IPO11: variants seen among roughly 807,000 people sequenced by gnomAD.
The protein encoded by IPO11 is importin-11.
A neutral mutation model predicts 143.2 loss-of-function variants in IPO11; 66 were observed. The ratio of observed to expected loss-of-function variants is 0.46; its 90% CI spans 0.38 to 0.57. IPO11 has a LOEUF of 0.57. IPO11 is among the 20% of genes least tolerant of loss of function. IPO11 has a pLI of 0.00. For synonymous variants in IPO11, 385 were observed against 377.8 expected (o/e 1.02, Z -0.22); for missense variants, 1,026 against 1,141.0 (o/e 0.90, Z 1.45).
At position 62,624,942 on chromosome 5, in the gene IPO11, G is replaced by A. The variant is rs188618678; in HGVS notation, c.2764-2212G>A. Reference sequence around the variant, plus strand: ...GGAGCTTGCAGTGAGCCGAAATCGCGCCAGTGCACTCCAGCCTGAGCGACA... The same window carrying A: ...GGAGCTTGCAGTGAGCCGAAATCGCACCAGTGCACTCCAGCCTGAGCGACA... On this transcript the variant is annotated intron_variant, in intron 29 of 29. Coordinates refer to ENST00000325324, the MANE Select transcript of IPO11 (RefSeq NM_016338.5). 5.4e-3 allele frequency among the ~76,000 whole-genome samples: 756 copies of A among 140,812 alleles called. 7 individuals carry two copies. The highest frequency in any genetic ancestry group is 0.019 in the African/African-American group (709 of 37,622). The allele number at this position is 140,812 out of a possible 152,430, so 92.4% of individuals were successfully genotyped here.
At chr5:62,620,475 T>C (rs1391152260) in intron 29 of IPO11, among the ~76,000 whole-genome samples, 13 of 142,570 alleles carry the variant, frequency 9.1e-5, no homozygotes, top group African/African-American at 3.2e-4. Flanking sequence ...GCCAAGATTG[T>C]GCCACTGCAC....
In IPO11 at chr5:62,467,601, C is replaced by T. The variant is rs1378848511; in HGVS notation, c.649+338C>T. 3.3e-5 allele frequency among the ~76,000 whole-genome samples: 5 copies of T among 152,144 alleles called. No homozygotes were observed. The East Asian group carries it at 9.6e-4, about 29-fold the overall frequency. ...CCTACACTTATCCTTGTCATGCCAA[C>T]TTTCCTAAAATTTTTTCTCCAGGCT... On this transcript the variant is annotated intron_variant, in intron 6 of 29. Coordinates refer to ENST00000325324, the MANE Select transcript of IPO11 (RefSeq NM_016338.5).
rs573160794 is a variant in IPO11 at position 62,460,076 on chromosome 5, T to C, written c.517-7055T>C. 2.0e-5 allele frequency among the ~76,000 whole-genome samples: 3 copies of C among 152,346 alleles called. No homozygotes were observed. The South Asian group carries it at 6.2e-4, about 32-fold the overall frequency. On this transcript the variant is annotated intron_variant, in intron 5 of 29. Coordinates refer to ENST00000325324, the MANE Select transcript of IPO11 (RefSeq NM_016338.5). The stretch of plus-strand genomic sequence containing the variant: ...TTTTAAAGGAATTTAAATATTTTTT[T>C]AACTAAATTCTTCAACATTTATCTG...
At chr5:62,526,771 G>T (rs1742382509) in intron 21 of IPO11, 1 of 152,496 alleles carries the variant, frequency 6.6e-6, no homozygotes, top group African/African-American at 2.4e-5. Context: ...ACTGCCCACG[G>T]TGTGTAAGCA....
At chr5:62,597,050 C>T (rs1045113081) in intron 28 of IPO11, among the ~76,000 whole-genome samples, 5 of 152,144 alleles carry the variant, frequency 3.3e-5, no homozygotes, top group Admixed American at 2.6e-4. Context: ...GGCACTTTGT[C>T]TTTACTGCTA....
At chr5:62,597,985 G>T (rs1288651613) in intron 28 of IPO11, among the ~76,000 whole-genome samples, 1 of 152,060 alleles carries the variant, frequency 6.6e-6, no homozygotes, top group Non-Finnish European at 1.5e-5. Context: ...ATTCCTCATC[G>T]ATAAAAAGTA....
At chr5:62,550,584 T>G (rs910544303) in intron 25 of IPO11, 122 bp downstream of exon 25, 1 of 636,000 alleles carries the variant, frequency 1.6e-6, no homozygotes, top group Non-Finnish European at 2.5e-6. Context: ...TTATGTTAAA[T>G]TTTCAGGGCG....
intron 5 of IPO11, among the ~76,000 whole-genome samples, chr5:62,466,017 T>G (rs1286303833): frequency 6.6e-6 from 1 of 152,218 alleles, no homozygotes; most frequent in Non-Finnish European, 1.5e-5. Context: ...GCAGAAAACC[T>G]TATACCTCTT....
At chr5:62,572,093 T>C (rs32153) in intron 27 of IPO11, among the ~76,000 whole-genome samples, 16,840 of 152,260 alleles carry the variant, frequency 0.11, 1,117 homozygotes, top group African/African-American at 0.18. Flanking sequence ...TCTTAATGTC[T>C]TCTCTGCCAG....
chr5:62,580,827 T>C (rs1441315310), intron 27 of IPO11: 17 of 1,551,294 alleles, frequency 1.1e-5, no homozygotes, highest in Non-Finnish European at 1.5e-5. Flanking sequence ...CTTCACCTGC[T>C]GGTAGATTTT....
At chr5:62,491,843 T>A (rs1056528736) in intron 15 of IPO11, among the ~76,000 whole-genome samples, 1 of 149,606 alleles carries the variant, frequency 6.7e-6, no homozygotes, top group East Asian at 1.9e-4. Context: ...TTTTTTTGTA[T>A]TTTTTTTTAG....
intron 3 of IPO11, among the ~76,000 whole-genome samples, chr5:62,448,834 C>T (rs1412640456): frequency 6.6e-6 from 1 of 152,202 alleles, no homozygotes; most frequent in Non-Finnish European, 1.5e-5. Flanking sequence ...ATTGGGATTA[C>T]AGGCATGAGC....
intron 19 of IPO11, among the ~76,000 whole-genome samples, chr5:62,511,115 T>A (rs951165216): frequency 6.6e-5 from 10 of 152,358 alleles, no homozygotes; most frequent in African/African-American, 2.4e-4. Flanking sequence ...CAGCCAAGAT[T>A]GGAATATAAA....
intron 1 of IPO11, among the ~76,000 whole-genome samples, chr5:62,421,170 A>G (rs866686632): frequency 1.3e-5 from 2 of 152,250 alleles, no homozygotes; most frequent in South Asian, 4.1e-4. Flanking sequence ...CTTCTTTTCT[A>G]TATATTTTCT....
Position 62,487,751 on chromosome 5 carries a change from T to G in IPO11, c.1219-20T>G, listed in dbSNP as rs770274359. 1.3e-6 allele frequency: 2 copies of G among 1,535,498 alleles called. No individual in the cohort carries two copies. Among genetic ancestry groups the G allele is most frequent in the Admixed American group, 2.1e-5 (1 of 48,308 alleles). On this transcript the variant is annotated intron_variant, in intron 12 of 29. Coordinates refer to ENST00000325324, the MANE Select transcript of IPO11 (RefSeq NM_016338.5). ...GTATGCAACTGTTTTGATGAGAAATTTGTATTTTTCCCTCTCCAGCCATGC... is the reference window on the plus strand; with the variant it reads ...GTATGCAACTGTTTTGATGAGAAATGTGTATTTTTCCCTCTCCAGCCATGC...
chr5:62,513,181 G>C (rs1741830881), intron 19 of IPO11, among the ~76,000 whole-genome samples: 1 of 151,166 alleles, frequency 6.6e-6, no homozygotes, highest in Non-Finnish European at 1.5e-5. Flanking sequence ...GCGCCCCTCA[G>C]CTCCCGGACC....
intron 1 of IPO11, among the ~76,000 whole-genome samples, chr5:62,433,444 C>T (rs538982540): frequency 2.0e-3 from 301 of 152,162 alleles, no homozygotes; most frequent in African/African-American, 6.9e-3. Flanking sequence ...ATACTCTGGG[C>T]GCCAACTGGT....
chr5:62,585,144 C>A (rs1479738428), intron 27 of IPO11, among the ~76,000 whole-genome samples: 1 of 152,046 alleles, frequency 6.6e-6, no homozygotes, highest in Non-Finnish European at 1.5e-5. Context: ...CTTTGGGCAA[C>A]CTTATTGCTT....
intron 24 of IPO11, among the ~76,000 whole-genome samples, chr5:62,543,532 T>C (rs535661584): frequency 1.3e-5 from 2 of 152,210 alleles, no homozygotes; most frequent in South Asian, 2.1e-4. Flanking sequence ...GGTAGTGATA[T>C]CCCCTTTAAC....
Sources: gnomAD v4.1 joint callset for allele counts (sites outside exome capture counted in the v4.1 genomes callset) on GRCh38, gnomAD v4.1.1 for gene constraint, MANE v1.5 for transcripts, NCBI Gene and HGNC (gene_info 2026-07-23, HGNC 2026-07-21) for gene names.